Variants in PCDHGB6 observed in about 807,000 individuals in gnomAD.
PCDHGB6 encodes protocadherin gamma-B6.
In PCDHGB6, 51 loss-of-function variants were observed where a neutral mutation model predicts 59.1. The ratio of observed to expected loss-of-function variants is 0.86; its 90% CI spans 0.69 to 1.09. PCDHGB6 has a LOEUF of 1.09. Ranked by LOEUF, PCDHGB6 falls within the 50% of genes least tolerant of loss-of-function variation. PCDHGB6 has a pLI of 0.00. For synonymous variants in PCDHGB6, 466 were observed against 495.1 expected, an observed-to-expected ratio of 0.94 and a Z score of 0.78; for missense variants, 1,148 against 1,205.1, an observed-to-expected ratio of 0.95 and a Z score of 0.70.
chr5:141,501,025 C>T (rs999221755), intron 2 of PCDHGB6, among the ~76,000 whole-genome samples: 94 of 152,100 alleles, frequency 6.2e-4, no homozygotes, highest in East Asian at 1.9e-3. Flanking sequence ...CGCGCCACCA[C>T]GCCCAGCTAA....
intron 1 of PCDHGB6, among the ~76,000 whole-genome samples, chr5:141,460,922 ATATGTGTGTGTG>A: frequency 6.6e-6 from 1 of 151,042 alleles, no homozygotes; most frequent in Non-Finnish European, 1.5e-5. Context: ...GTATATATAT[ATATGTGTGTGTG>A]TATATATATG....
intron 1 of PCDHGB6, among the ~76,000 whole-genome samples, chr5:141,483,276 TA>T (rs755290434): frequency 2.2e-4 from 33 of 152,238 alleles, no homozygotes; most frequent in Non-Finnish European, 3.8e-4. Context: ...TTAGAAATAT[TA>T]TTCTGTCAGT....
intron 1 of PCDHGB6, among the ~76,000 whole-genome samples, chr5:141,450,267 C>T (rs971441306): frequency 4.6e-5 from 7 of 152,106 alleles, no homozygotes; most frequent in African/African-American, 1.7e-4. Context: ...ATCTGCCCAC[C>T]TCAGCTAAGT....
chr5:141,472,009 G>A (rs917861040), intron 1 of PCDHGB6, among the ~76,000 whole-genome samples: 11 of 152,074 alleles, frequency 7.2e-5, no homozygotes, highest in African/African-American at 2.7e-4. Flanking sequence ...TCGTATAGGG[G>A]CACTATATTG....
At chr5:141,426,720 A>T (rs1448232477) in intron 1 of PCDHGB6, 4 of 447,600 alleles carry the variant, frequency 8.9e-6, no homozygotes, top group Non-Finnish European at 1.8e-5. Flanking sequence ...TGAACTAGCA[A>T]TTCCAGGCAT....
Position 141,409,200 on chromosome 5 carries a change from T to C in PCDHGB6, c.998T>C (p.Val333Ala). 1.2e-6 allele frequency: 2 copies of C among 1,614,020 alleles called. No homozygotes were observed. The highest frequency in any genetic ancestry group is 1.7e-6 in the Non-Finnish European group (2 of 1,179,888). ...DGGGLSTQCK[V>A]IIEILDENDN... Reference sequence around the variant, plus strand: ...GGTGGTCTCTCTACCCAGTGTAAAGTAATCATAGAAATCCTTGATGAAAAC... The same window carrying C: ...GGTGGTCTCTCTACCCAGTGTAAAGCAATCATAGAAATCCTTGATGAAAAC... The change falls in exon 1 of 4, where the codon GTA becomes GCA. Residue 333 changes from valine (V) to alanine (A), a missense_variant. By Grantham distance (64) the Val-to-Ala change is moderately conservative. Transcript: ENST00000520790.
At chr5:141,495,286 A>T (rs1341490472) in intron 2 of PCDHGB6, among the ~76,000 whole-genome samples, 2 of 152,088 alleles carry the variant, frequency 1.3e-5, no homozygotes, top group Non-Finnish European at 2.9e-5. Context: ...GGCGGTCCGC[A>T]CTCAGCGCCT....
Position 141,485,011 on chromosome 5 carries a change from C to G in PCDHGB6, c.2419-9796C>G, listed in dbSNP as rs2099605048. 3.2e-6 allele frequency: 2 copies of G among 631,064 alleles called. No homozygotes were observed. The highest frequency in any genetic ancestry group is 5.5e-5 in the East Asian group (2 of 36,662). The allele number at this position is 631,064 out of a possible 1,614,324, so 39.1% of individuals were successfully genotyped here. A position where few individuals can be genotyped will look rare whatever the true frequency, so the allele number is the denominator to read the frequency against. Reference sequence around the variant, plus strand: ...TGGTGAAAGGCAGACAAATCTACCCCGCCACCAGCAAAAACGGCGCGTAAC... The same window carrying G: ...TGGTGAAAGGCAGACAAATCTACCCGGCCACCAGCAAAAACGGCGCGTAAC... On this transcript the variant is annotated intron_variant, in intron 1 of 3. Coordinates refer to ENST00000520790, the MANE Select transcript of PCDHGB6 (RefSeq NM_018926.3). This position sits in a 1 kb window ranked among gnomAD's most constrained non-coding sequence, Gnocchi z 5.7.
intron 1 of PCDHGB6, among the ~76,000 whole-genome samples, chr5:141,488,782 C>T (rs990081222): frequency 2.0e-5 from 3 of 152,178 alleles, no homozygotes; most frequent in Non-Finnish European, 1.5e-5. Flanking sequence ...TTTTGTATCA[C>T]TTTGTCTTCC....
At position 141,477,910 on chromosome 5, in the gene PCDHGB6, G is replaced by C. The variant is rs766164142; in HGVS notation, c.2419-16897G>C. ...TGTCACGGGTGGTAGGCTGGGACGC[G>C]GATGCAGGGCACAATGCCTGGCTCT... On this transcript the variant is annotated intron_variant, in intron 1 of 3. Coordinates refer to ENST00000520790, the MANE Select transcript of PCDHGB6 (RefSeq NM_018926.3). This position sits in a 1 kb window ranked among gnomAD's most constrained non-coding sequence, Gnocchi z 4.9. 3 of 1,614,168 alleles carry C rather than the reference G, an allele frequency of 1.9e-6. No homozygotes were observed. Among genetic ancestry groups the C allele is most frequent in the Non-Finnish European group, 2.5e-6 (3 of 1,180,032 alleles).
rs1316573600 is a variant in PCDHGB6 at position 141,490,443 on chromosome 5, G to A, written c.2419-4364G>A. The A allele has an allele frequency of 1.2e-6, 2 of 1,614,174 alleles. No individual in the cohort carries two copies. Among genetic ancestry groups the A allele is most frequent in the Non-Finnish European group, 8.5e-7 (1 of 1,180,042 alleles). On this transcript the variant is annotated intron_variant, in intron 1 of 3. Coordinates refer to ENST00000520790, the MANE Select transcript of PCDHGB6 (RefSeq NM_018926.3). The surrounding 1 kb of genome is among the most constrained non-coding windows in gnomAD (Gnocchi z 5.4). ...TGCCATTTCAGATTAAGCCTTCTGA[G>A]AACCACTACTCGCTGCTAACCAGCC...
intron 1 of PCDHGB6, among the ~76,000 whole-genome samples, chr5:141,448,784 C>CAA (rs576464275): frequency 4.8e-5 from 7 of 145,806 alleles, no homozygotes; most frequent in East Asian, 2.0e-4. Context: ...ACTAAAAATA[C>CAA]AAAAAAAAAA....
At chr5:141,472,295 A>G (rs147192748) in intron 1 of PCDHGB6, among the ~76,000 whole-genome samples, 8,225 of 152,254 alleles carry the variant, frequency 0.054, 462 homozygotes, top group African/African-American at 0.15. Flanking sequence ...TAATCCCAGC[A>G]CTTTGGGAAG....
At chr5:141,443,820 T>A (rs1329478151) in intron 1 of PCDHGB6, among the ~76,000 whole-genome samples, 1 of 151,986 alleles carries the variant, frequency 6.6e-6, no homozygotes, top group Non-Finnish European at 1.5e-5. Context: ...TTGGAAAACA[T>A]AATTAGGTAA....
chr5:141,487,069 T>C lies in PCDHGB6; in HGVS notation c.2419-7738T>C, dbSNP rs750739955. 26 of 1,614,160 alleles carry C rather than the reference T, an allele frequency of 1.6e-5. No homozygotes were observed. Among genetic ancestry groups the C allele is most frequent in the Non-Finnish European group, 2.0e-5 (24 of 1,180,002 alleles). On this transcript the variant is annotated intron_variant, in intron 1 of 3. Transcript: ENST00000520790. This position sits in a 1 kb window ranked among gnomAD's most constrained non-coding sequence, Gnocchi z 5.0. The stretch of plus-strand genomic sequence containing the variant: ...ATGCTGGGGAGGTGCGGACGGCTGT[T>C]CCTATCCCAGCTGACCTCCCACCAC...
chr5:141,423,777 T>A, intron 1 of PCDHGB6: 1 of 1,159,844 alleles, frequency 8.6e-7, no homozygotes, highest in Non-Finnish European at 1.1e-6. Flanking sequence ...GGCATATATT[T>A]AGTTCATATA....
rs1201654822 is a variant in PCDHGB6, at chr5:141,476,876, C to T, written c.2419-17931C>T. ...CCAGTCCTTGTACCGGGCGCGCGTC[C>T]TGGAGGATGCACCCTCCGGCACGCG... On this transcript the variant is annotated intron_variant, in intron 1 of 3. Transcript: ENST00000520790. The surrounding 1 kb of genome is among the most constrained non-coding windows in gnomAD (Gnocchi z 7.6). 6.2e-7 allele frequency: 1 copy of T among 1,613,876 alleles called. No homozygotes were observed. The highest frequency in any genetic ancestry group is 1.7e-5 in the Admixed American group (1 of 60,018).
At chr5:141,502,925 C>T (rs962871271) in intron 2 of PCDHGB6, among the ~76,000 whole-genome samples, 5 of 145,518 alleles carry the variant, frequency 3.4e-5, no homozygotes, top group Non-Finnish European at 5.9e-5. Flanking sequence ...GCAGTGGCAA[C>T]CTTCACCTCC....
At chr5:141,500,930 G>A (rs1300719832) in intron 2 of PCDHGB6, among the ~76,000 whole-genome samples, 4 of 151,824 alleles carry the variant, frequency 2.6e-5, no homozygotes, top group Admixed American at 6.6e-5. Context: ...GTGCAGTGGC[G>A]CCATCTCGGC....
Sources: allele counts gnomAD v4.1 joint callset (sites outside exome capture counted in the v4.1 genomes callset), GRCh38; gene constraint gnomAD v4.1.1; non-coding constraint Gnocchi (gnomAD v3.1); transcripts MANE v1.5; gene names NCBI Gene and HGNC (gene_info 2026-07-23, HGNC 2026-07-21).